TRAF3IP3: variants seen among roughly 807,000 people sequenced by gnomAD.
TRAF3IP3 encodes the protein TRAF3-interacting JNK-activating modulator.
A neutral mutation model predicts 86.5 loss-of-function variants in TRAF3IP3; 64 were observed. The observed-to-expected ratio is 0.74, with a 90% CI of 0.60 to 0.91. The LOEUF (loss-of-function observed/expected upper bound fraction) is 0.91, where lower values mean the gene tolerates loss of function less well. TRAF3IP3 is among the 40% of genes least tolerant of loss of function. The pLI is 0.00. For missense variants in TRAF3IP3, 579 were observed against 642.9 expected, an observed-to-expected ratio of 0.90 and a Z score of 1.07; for synonymous variants, 220 against 243.9, an observed-to-expected ratio of 0.90 and a Z score of 0.91.
intron 15 of TRAF3IP3, chr1:209,781,140 A>T: frequency 2.5e-6 from 1 of 394,154 alleles, no homozygotes; most frequent in Non-Finnish European, 4.7e-6. Context: ...ATACTATAAT[A>T]TGCATTACTG....
intron 8 of TRAF3IP3, among the ~76,000 whole-genome samples, chr1:209,766,206 A>G (rs1234214456): frequency 6.6e-6 from 1 of 152,234 alleles, no homozygotes; most frequent in East Asian, 1.9e-4. Flanking sequence ...TGGATTTCTC[A>G]ATCTGTGGTC....
chr1:209,782,055 G>A lies in TRAF3IP3; in HGVS notation c.1564-1G>A. On this transcript the variant is annotated splice_acceptor_variant, in intron 16 of 16. Coordinates refer to ENST00000367025, the MANE Select transcript of TRAF3IP3 (RefSeq NM_025228.4). LOFTEE classifies it high-confidence loss of function. ...TCTTCTGTCTCCCTGTCCCCCTACA[G>A]AGGCAATGTGGGCGATGGCTCCCAG... The A allele has an allele frequency of 1.9e-6, 3 of 1,613,572 alleles. No individual in the cohort carries two copies. Among genetic ancestry groups the A allele is most frequent in the Non-Finnish European group, 2.5e-6 (3 of 1,179,502 alleles).
At position 209,770,979 on chromosome 1, in the gene TRAF3IP3, G is replaced by C. The variant is rs367889480; in HGVS notation, c.703-1969G>C. ...ATGTGGAGGGGTGCGTGTGCATGTG[G>C]AGGTGTGTGTGTGCAGGTGGAGGTG... On this transcript the variant is annotated intron_variant, in intron 8 of 16. Transcript: ENST00000367025. Among the ~76,000 whole-genome samples the C allele has an allele frequency of 6.6e-3, 904 of 137,042 alleles. 10 individuals carry two copies. Among genetic ancestry groups the C allele is most frequent in the African/African-American group, 0.024 (864 of 36,130 alleles). 89.9% of individuals were successfully genotyped at this position (137,042 alleles called of 152,430 possible).
At chr1:209,771,063 G>GGTGTGTGTGTGCAGGTGGAGGT (rs541860748) in intron 8 of TRAF3IP3, among the ~76,000 whole-genome samples, 3 of 112,346 alleles carry the variant, frequency 2.7e-5, no homozygotes, top group African/African-American at 1.1e-4. Flanking sequence ...TGCATGTGGA[G>GGTGTGTGTGTGCAGGTGGAGGT]GTGTGTGTGC....
In TRAF3IP3 at chr1:209,760,265, A is replaced by G. The variant is rs533888605; in HGVS notation, c.226A>G (p.Lys76Glu). 1.2e-6 allele frequency: 2 copies of G among 1,614,210 alleles called. No individual in the cohort carries two copies. The highest frequency in any genetic ancestry group is 2.7e-5 in the African/African-American group (2 of 75,060). ...FRRRNLELEE[K>E]GKAQHPQARE... is the part of the protein sequence containing the mutation. Reference sequence around the variant, plus strand: ...GAGGAGGAACCTGGAGCTAGAGGAGAAGGGCAAAGCGCAGCATCCCCAGGC... The same window carrying G: ...GAGGAGGAACCTGGAGCTAGAGGAGGAGGGCAAAGCGCAGCATCCCCAGGC... Residue 76 changes from lysine to glutamate, a missense_variant, in exon 3 of 17, where the codon AAG becomes GAG. Transcript: ENST00000367025.
chr1:209,761,404 C>T (rs891214551), intron 3 of TRAF3IP3, among the ~76,000 whole-genome samples: 6 of 152,198 alleles, frequency 3.9e-5, no homozygotes, highest in Non-Finnish European at 5.9e-5. Flanking sequence ...AACCATCTTC[C>T]TACTGAAGTT....
intron 8 of TRAF3IP3, among the ~76,000 whole-genome samples, chr1:209,770,962 G>T (rs1195434591): frequency 1.4e-5 from 2 of 146,076 alleles, no homozygotes; most frequent in Non-Finnish European, 3.0e-5. Context: ...GCATGTGGAG[G>T]GGTGCGTGTG....
chr1:209,763,928 T>C (rs533441881), intron 8 of TRAF3IP3, among the ~76,000 whole-genome samples: 3 of 152,336 alleles, frequency 2.0e-5, no homozygotes, highest in South Asian at 4.1e-4. Context: ...TATTTTCATA[T>C]GGGATTCCCA....
At chr1:209,763,026 C>A (rs1322373610) in intron 5 of TRAF3IP3, 42 bp from the exon 6 acceptor site, 2 of 1,611,408 alleles carry the variant, frequency 1.2e-6, no homozygotes, top group Non-Finnish European at 1.7e-6. Flanking sequence ...TGACTTGATT[C>A]TTTGGTCCAT....
chr1:209,771,698 TGGA>T (rs1186250698), intron 8 of TRAF3IP3, among the ~76,000 whole-genome samples: 2 of 142,882 alleles, frequency 1.4e-5, no homozygotes, highest in African/African-American at 2.7e-5. Context: ...TGTGTGCAGG[TGGA>T]GGTGTATGTG....
chr1:209,777,590 T>G, intron 12 of TRAF3IP3, 103 bp downstream of exon 12: 1 of 1,255,770 alleles, frequency 8.0e-7, no homozygotes, highest in South Asian at 1.6e-5. Context: ...TTTATTTGTT[T>G]GCTTGATTGG....
chr1:209,777,292 C>A, intron 11 of TRAF3IP3, 60 bp from the exon 12 acceptor site: 1 of 1,473,518 alleles, frequency 6.8e-7, no homozygotes, highest in Non-Finnish European at 9.2e-7. Flanking sequence ...TGGTACCCGC[C>A]CCCCAACCTC....
At chr1:209,766,724 C>T (rs150183477) in intron 8 of TRAF3IP3, among the ~76,000 whole-genome samples, 24 of 152,252 alleles carry the variant, frequency 1.6e-4, no homozygotes, top group African/African-American at 5.5e-4. Context: ...ATTAGCTGAG[C>T]GTAATCGTGC....
At chr1:209,776,545 C>G (rs2077657936) in intron 11 of TRAF3IP3, 1 of 151,886 alleles carries the variant, frequency 6.6e-6, no homozygotes, top group Non-Finnish European at 1.5e-5. Flanking sequence ...ATCCACAGCT[C>G]AACCTTTGTT....
chr1:209,758,346 C>T (rs578231448), intron 1 of TRAF3IP3, among the ~76,000 whole-genome samples: 1 of 152,266 alleles, frequency 6.6e-6, no homozygotes, highest in East Asian at 1.9e-4. Context: ...TCAATGCTGC[C>T]TGACACCAGA....
chr1:209,781,261 G>A, intron 15 of TRAF3IP3, 84 bp from the exon 16 acceptor site: 1 of 868,814 alleles, frequency 1.2e-6, no homozygotes, highest in South Asian at 1.6e-5. Context: ...CCAAATGAGT[G>A]AAACTTACAA....
At chr1:209,756,583 C>T (rs1664865513) in intron 1 of TRAF3IP3, among the ~76,000 whole-genome samples, 1 of 152,152 alleles carries the variant, frequency 6.6e-6, no homozygotes, top group Non-Finnish European at 1.5e-5. Flanking sequence ...TCAGGCTACC[C>T]AGTGATATGG....
intron 11 of TRAF3IP3, 107 bp downstream of exon 11, chr1:209,775,843 G>A (rs2077644375): frequency 9.2e-7 from 1 of 1,087,914 alleles, no homozygotes; most frequent in African/African-American, 1.6e-5. Context: ...GACAGCATCT[G>A]GCTTTCAGTT....
chr1:209,782,258 C>G lies in TRAF3IP3; in HGVS notation c.*110C>G, dbSNP rs757059821. 25 of 815,300 alleles carry G rather than the reference C, an allele frequency of 3.1e-5. No individual in the cohort carries two copies. The highest frequency in any genetic ancestry group is 5.2e-5 in the Non-Finnish European group (25 of 481,474). 50.5% of individuals were successfully genotyped at this position (815,300 alleles called of 1,614,324 possible). A position where few individuals can be genotyped will look rare whatever the true frequency, so the allele number is the denominator to read the frequency against. ...GGGTTTTCCAACTGACTTAGGATTT[C>G]TGACTTTTTATTAATTTCTTAACCT... On this transcript the variant is annotated 3_prime_UTR_variant, in exon 17 of 17. Coordinates refer to ENST00000367025, the MANE Select transcript of TRAF3IP3 (RefSeq NM_025228.4).
Sources: allele counts gnomAD v4.1 joint callset (sites outside exome capture counted in the v4.1 genomes callset), GRCh38; gene constraint gnomAD v4.1.1; transcripts MANE v1.5; gene names NCBI Gene and HGNC (gene_info 2026-07-23, HGNC 2026-07-21).